TASOR: variants seen among roughly 807,000 people sequenced by gnomAD.
TASOR encodes the protein protein TASOR.
A neutral mutation model predicts 178.6 loss-of-function variants in TASOR; 53 were observed. That is an observed-to-expected ratio of 0.30 (90% CI 0.24 to 0.37). The LOEUF (loss-of-function observed/expected upper bound fraction) is 0.37, where lower values mean the gene tolerates loss of function less well. TASOR is among the 10% of genes least tolerant of loss of function. TASOR has a pLI of 1.00. For missense variants in TASOR, 1,815 were observed against 1,971.4 expected (o/e 0.92, Z 1.50); for synonymous variants, 713 against 696.2 (o/e 1.02, Z -0.38).
At chr3:56,635,501 G>C (rs1244015483) in intron 17 of TASOR, among the ~76,000 whole-genome samples, 1 of 152,154 alleles carries the variant, frequency 6.6e-6, no homozygotes, top group Non-Finnish European at 1.5e-5. Context: ...AAGTGTTCCG[G>C]GCTGGGGCAG....
intron 11 of TASOR, among the ~76,000 whole-genome samples, chr3:56,655,807 G>C (rs188063547): frequency 8.5e-5 from 13 of 152,052 alleles, no homozygotes; most frequent in Non-Finnish European, 1.8e-4. Flanking sequence ...CAAAAAAATA[G>C]AGTAACTGCA....
chr3:56,621,543 G>GAA lies in TASOR; in HGVS notation c.*1492_*1493dup. 6.3e-7 allele frequency: 1 copy of GAA among 1,591,898 alleles called. No individual in the cohort carries two copies. Among genetic ancestry groups the GAA allele is most frequent in the South Asian group, 1.1e-5 (1 of 87,032 alleles). ...CAATGTGATTTCAGGGCCTTCTCCA[G>GAA]AAGCAAAAGGAGTTGGAAAGTAGTC... On this transcript the variant is annotated 3_prime_UTR_variant, in exon 24 of 24. Transcript: ENST00000683822.
intron 11 of TASOR, among the ~76,000 whole-genome samples, chr3:56,651,185 A>G (rs17216740): frequency 0.32 from 48,010 of 151,868 alleles, 8,026 homozygotes; most frequent in East Asian, 0.49. Context: ...CTTCAGCCCA[A>G]TGAAATCCAT....
chr3:56,669,443 C>T (rs1397340933), intron 5 of TASOR, among the ~76,000 whole-genome samples: 1 of 152,130 alleles, frequency 6.6e-6, no homozygotes, highest in African/African-American at 2.4e-5. Context: ...GCGGAGCTTG[C>T]AGTGAGCCAA....
chr3:56,681,215 G>C (rs923112806), intron 1 of TASOR, among the ~76,000 whole-genome samples: 2 of 151,910 alleles, frequency 1.3e-5, no homozygotes, highest in African/African-American at 4.8e-5. Flanking sequence ...CTCATAACCA[G>C]AGCCCATTTG....
At chr3:56,641,317 A>C (rs2077119620) in intron 15 of TASOR, 32 bp downstream of exon 15, 3 of 1,547,014 alleles carry the variant, frequency 1.9e-6, no homozygotes, top group Non-Finnish European at 2.6e-6. Flanking sequence ...CACACTCACA[A>C]ACACAAAGGT....
rs1467269273 is a variant in TASOR at position 56,622,548 on chromosome 3, A to C, written c.*489T>G. On this transcript the variant is annotated 3_prime_UTR_variant, in exon 24 of 24. Transcript: ENST00000683822. ...GTCCTATGTACATAGTTTATTATCT[A>C]AATGAAACTGCACTGTTAGATAAAT... 6.5e-6 allele frequency: 1 copy of C among 152,722 alleles called. No individual in the cohort carries two copies. The highest frequency in any genetic ancestry group is 2.4e-5 in the African/African-American group (1 of 41,482). 9.5% of individuals were successfully genotyped at this position (152,722 alleles called of 1,614,324 possible). A position where few individuals can be genotyped will look rare whatever the true frequency, so the allele number is the denominator to read the frequency against.
chr3:56,631,529 T>C (rs941566147), intron 18 of TASOR, among the ~76,000 whole-genome samples: 3 of 152,076 alleles, frequency 2.0e-5, no homozygotes, highest in Non-Finnish European at 4.4e-5. Context: ...TACGTATCTA[T>C]GTCTAAACAT....
At chr3:56,648,614 A>G (rs947678742) in intron 13 of TASOR, among the ~76,000 whole-genome samples, 1 of 142,698 alleles carries the variant, frequency 7.0e-6, no homozygotes, top group African/African-American at 2.6e-5. Flanking sequence ...CTGGGCAAGA[A>G]GAGCAAAACT....
intron 7 of TASOR, among the ~76,000 whole-genome samples, chr3:56,665,504 G>A (rs558284148): frequency 3.4e-4 from 52 of 152,064 alleles, no homozygotes; most frequent in Admixed American, 2.5e-3. Flanking sequence ...CTACAGGCAC[G>A]TACCACCACA....
chr3:56,682,781 C>G lies in TASOR; in HGVS notation c.226G>C (p.Asp76His). Residue 76 changes from aspartate (D) to histidine (H), a missense_variant, in exon 1 of 24, where the codon GAC becomes CAC. Transcript: ENST00000683822. ...GCGGCCGCGCCCGCCTCAGAGGAGT[C>G]CTGAGGCTGCTCGTGGCTGAGGCTC... ...AQSLSHEQPQ[D>H]SSEAGAAALP... 6.4e-7 allele frequency: 1 copy of G among 1,550,510 alleles called. No homozygotes were observed. Among genetic ancestry groups the G allele is most frequent in the South Asian group, 1.2e-5 (1 of 83,962 alleles).
intron 14 of TASOR, among the ~76,000 whole-genome samples, chr3:56,643,844 A>G (rs780336591): frequency 1.1e-4 from 16 of 152,230 alleles, no homozygotes; most frequent in Non-Finnish European, 1.3e-4. Flanking sequence ...TTAAAAAGAA[A>G]TAAGTAAGAA....
At chr3:56,627,891 C>T in intron 19 of TASOR, 150 bp from the exon 20 acceptor site, 1 of 654,430 alleles carries the variant, frequency 1.5e-6, no homozygotes, top group South Asian at 2.0e-5. Context: ...AAATAATATT[C>T]CCAACATTAT....
intron 21 of TASOR, among the ~76,000 whole-genome samples, chr3:56,626,612 G>A (rs1460766179): frequency 1.3e-5 from 2 of 151,946 alleles, no homozygotes; most frequent in South Asian, 4.2e-4. Flanking sequence ...GCATGGTGGC[G>A]GGCGCCTGTA....
rs551329941 is a variant in TASOR at position 56,620,929 on chromosome 3, G to A, written c.*2108C>T. ...GCACTTTGGGAGGCTGAGGCAGGCA[G>A]ATCATGAGGTCAGGAGATCAAGACC... On this transcript the variant is annotated 3_prime_UTR_variant, in exon 24 of 24. Transcript: ENST00000683822. 2 of 152,630 alleles carry A rather than the reference G, an allele frequency of 1.3e-5. No individual in the cohort carries two copies. Among genetic ancestry groups the A allele is most frequent in the African/African-American group, 4.8e-5 (2 of 41,550 alleles). 9.5% of individuals were successfully genotyped at this position (152,630 alleles called of 1,614,324 possible). A position where few individuals can be genotyped will look rare whatever the true frequency, so the allele number is the denominator to read the frequency against.
intron 11 of TASOR, among the ~76,000 whole-genome samples, chr3:56,651,991 T>TG: frequency 6.6e-6 from 1 of 152,164 alleles, no homozygotes; most frequent in Non-Finnish European, 1.5e-5. Flanking sequence ...GAAAGCATAC[T>TG]GGGCCATAAA....
chr3:56,641,366 T>C lies in TASOR; in HGVS notation c.2602A>G (p.Lys868Glu), dbSNP rs2077120916. ...ISTSEVGTDH[K>E]LHLKEDPNLI... is the part of the protein sequence containing the mutation. ...ATGCTTACTTCTTTCAAATGTAGCT[T>C]ATGGTCAGTGCCCACTTCGCTGGTA... The change falls in exon 15 of 24, where the codon AAG becomes GAG. Residue 868 changes from lysine to glutamate, a missense_variant. Lys to Glu is a moderately conservative substitution (Grantham distance 56, BLOSUM62 1). Around this residue, in one of 5 missense-constraint regions of TASOR, gnomAD observed 655 missense variants for 671.1 expected, o/e 0.98. Coordinates refer to ENST00000683822, the MANE Select transcript of TASOR (RefSeq NM_001365635.2). The C allele has an allele frequency of 6.3e-7, 1 of 1,592,852 alleles. No homozygotes were observed. The highest frequency in any genetic ancestry group is 1.1e-5 in the South Asian group (1 of 90,464).
intron 11 of TASOR, among the ~76,000 whole-genome samples, chr3:56,658,293 T>G (rs4681725): frequency 0.56 from 84,444 of 151,966 alleles, 25,754 homozygotes; most frequent in East Asian, 0.83. Context: ...AGTCTTCCAT[T>G]AACATAATGT....
chr3:56,621,343 A>ATCTTTT lies in TASOR; in HGVS notation c.*1693_*1694insAAAAGA. The ATCTTTT allele has an allele frequency of 5.0e-6, 2 of 401,064 alleles. No homozygotes were observed. The highest frequency in any genetic ancestry group is 8.9e-6 in the Non-Finnish European group (2 of 224,194). 24.8% of individuals were successfully genotyped at this position (401,064 alleles called of 1,614,324 possible). A position where few individuals can be genotyped will look rare whatever the true frequency, so the allele number is the denominator to read the frequency against. ...TATTGATTTTTATGCTAAAAACAGA[A>ATCTTTT]TCTTACAAATGTGATAGCTATATAT... On this transcript the variant is annotated 3_prime_UTR_variant, in exon 24 of 24. Coordinates refer to ENST00000683822, the MANE Select transcript of TASOR (RefSeq NM_001365635.2).
Sources: gnomAD v4.1 joint callset for allele counts (sites outside exome capture counted in the v4.1 genomes callset) on GRCh38, gnomAD v4.1.1 for gene constraint, gnomAD v4.1.1 regional missense constraint, MANE v1.5 for transcripts, NCBI Gene and HGNC (gene_info 2026-07-23, HGNC 2026-07-21) for gene names.